The following PTPRT variants were observed in gnomAD, a reference collection of about 807,000 sequenced individuals.
The protein encoded by PTPRT is protein tyrosine phosphatase receptor type T.
A neutral mutation model predicts 176.8 loss-of-function variants in PTPRT; 56 were observed. The ratio of observed to expected loss-of-function variants is 0.32; its 90% CI spans 0.26 to 0.40. The LOEUF is 0.40. Among genes scored for constraint, PTPRT ranks in the 10% least tolerant of loss-of-function variants. PTPRT has a pLI of 1.00. For missense variants in PTPRT, 1,540 were observed against 1,908.2 expected (o/e 0.81, Z 3.60); for synonymous variants, 783 against 739.0 (o/e 1.06, Z -0.96).
intron 1 of PTPRT, among the ~76,000 whole-genome samples, chr20:43,040,388 C>T (rs1331654657): frequency 1.3e-5 from 2 of 152,078 alleles, no homozygotes; most frequent in African/African-American, 4.8e-5. Context: ...ATATGGTTGC[C>T]AACAGAGCAG....
intron 7 of PTPRT, among the ~76,000 whole-genome samples, chr20:42,582,697 C>T (rs1259595971): frequency 6.6e-6 from 1 of 152,146 alleles, no homozygotes; most frequent in African/African-American, 2.4e-5. Context: ...TAGAGTCAGG[C>T]ATGCTCTGGT....
intron 7 of PTPRT, among the ~76,000 whole-genome samples, chr20:42,504,007 T>A (rs1389516573): frequency 6.6e-6 from 1 of 152,126 alleles, no homozygotes; most frequent in Non-Finnish European, 1.5e-5. Flanking sequence ...TCTGTCCCTT[T>A]ACCCTCATTT....
chr20:42,442,038 C>A (rs1267155443), intron 9 of PTPRT, among the ~76,000 whole-genome samples: 1 of 152,196 alleles, frequency 6.6e-6, no homozygotes, highest in Non-Finnish European at 1.5e-5. Context: ...AGTCATGAGC[C>A]AGTCTGGGGT....
chr20:42,140,583 C>T (rs953646501), intron 18 of PTPRT, among the ~76,000 whole-genome samples: 3 of 152,084 alleles, frequency 2.0e-5, no homozygotes, highest in Non-Finnish European at 2.9e-5. Flanking sequence ...TTGTTCAGGC[C>T]CCATCATCCC....
At chr20:42,681,150 A>T (rs1209981901) in intron 6 of PTPRT, among the ~76,000 whole-genome samples, 2 of 152,252 alleles carry the variant, frequency 1.3e-5, no homozygotes, top group Non-Finnish European at 2.9e-5. Context: ...ACATTATTTT[A>T]AAAATACATA....
rs150122141 is a variant in PTPRT, at chr20:42,485,817, G to A, written c.1154-13255C>T. ...ACCAAGCTTTTTTATGATGTCCAAAGCTTTATTCTTTGAAATGTACAAGAG... is the reference window on the plus strand; with the variant it reads ...ACCAAGCTTTTTTATGATGTCCAAAACTTTATTCTTTGAAATGTACAAGAG... On this transcript the variant is annotated intron_variant, in intron 7 of 30. Transcript: ENST00000373187. 1.3e-3 allele frequency among the ~76,000 whole-genome samples: 203 copies of A among 152,228 alleles called. 1 individual carries two copies. Among genetic ancestry groups the A allele is most frequent in the African/African-American group, 4.6e-3 (192 of 41,548 alleles).
chr20:43,123,102 C>A (rs563229597), intron 1 of PTPRT, among the ~76,000 whole-genome samples: 2 of 152,322 alleles, frequency 1.3e-5, no homozygotes, highest in South Asian at 4.1e-4. Context: ...GATCCACCCA[C>A]CTTGGCCTCC....
chr20:42,085,939 T>A lies in PTPRT; in HGVS notation c.3847-86A>T, dbSNP rs981294362. On this transcript the variant is annotated intron_variant, in intron 27 of 30. Coordinates refer to ENST00000373187, the MANE Select transcript of PTPRT (RefSeq NM_007050.6). ...CATTTATCAACAAGCTTTTCTTTTC[T>A]TTTTTTCTTTTTCTTTTTTTTTTTT... 6.1e-5 allele frequency: 86 copies of A among 1,413,874 alleles called. No homozygotes were observed. The African/African-American group carries it at 1.1e-3, about 19-fold the overall frequency. The allele number at this position is 1,413,874 out of a possible 1,614,324, so 87.6% of individuals were successfully genotyped here. A position where few individuals can be genotyped will look rare whatever the true frequency, so the allele number is the denominator to read the frequency against.
At chr20:42,190,426 C>T (rs568054597) in intron 16 of PTPRT, among the ~76,000 whole-genome samples, 1 of 152,280 alleles carries the variant, frequency 6.6e-6, no homozygotes, top group South Asian at 2.1e-4. Context: ...GTCCAGTACT[C>T]CTATGGCAAT....
At chr20:42,929,828 T>C (rs1382064900) in intron 1 of PTPRT, among the ~76,000 whole-genome samples, 2 of 152,240 alleles carry the variant, frequency 1.3e-5, no homozygotes, top group Non-Finnish European at 2.9e-5. Context: ...CAAGAACCCA[T>C]TCTTGAAACC....
intron 1 of PTPRT, among the ~76,000 whole-genome samples, chr20:42,982,195 G>A (rs540166680): frequency 2.6e-5 from 4 of 152,270 alleles, no homozygotes; most frequent in South Asian, 2.1e-4. Context: ...ATGAGTTTCT[G>A]CCTACACTTA....
At chr20:42,430,223 G>A (rs2059203909) in intron 9 of PTPRT, among the ~76,000 whole-genome samples, 1 of 152,166 alleles carries the variant, frequency 6.6e-6, no homozygotes, top group African/African-American at 2.4e-5. Flanking sequence ...TCACAGCAGG[G>A]TGAGGAAATC....
chr20:42,712,345 C>A (rs1250115621), intron 6 of PTPRT, among the ~76,000 whole-genome samples: 1 of 152,116 alleles, frequency 6.6e-6, no homozygotes, highest in East Asian at 1.9e-4. Context: ...TTAAGAGAAG[C>A]AAACATTATG....
chr20:42,388,045 T>C (rs1328634416), intron 9 of PTPRT, among the ~76,000 whole-genome samples: 1 of 152,126 alleles, frequency 6.6e-6, no homozygotes, highest in Non-Finnish European at 1.5e-5. Context: ...CACCTTGGCC[T>C]CCCAAAGTGC....
the PTPRT span, among the ~76,000 whole-genome samples, chr20:42,032,024 C>T: frequency 2.0e-5 from 3 of 152,086 alleles, no homozygotes; most frequent in Non-Finnish European, 2.9e-5. Context: ...TGTCACACAT[C>T]TAGTAAATGG....
At chr20:42,271,097 C>T (rs182429562) in intron 13 of PTPRT, among the ~76,000 whole-genome samples, 5 of 152,248 alleles carry the variant, frequency 3.3e-5, no homozygotes, top group Admixed American at 2.6e-4. Context: ...AGTGCTGCCT[C>T]GTTGTCCCCA....
At chr20:42,100,884 A>C (rs762042807) in intron 26 of PTPRT, among the ~76,000 whole-genome samples, 17 of 152,188 alleles carry the variant, frequency 1.1e-4, no homozygotes, top group Non-Finnish European at 1.2e-4. Context: ...TTTACAGAGG[A>C]TATGGGCACT....
intron 1 of PTPRT, among the ~76,000 whole-genome samples, chr20:43,037,658 T>G (rs1280447098): frequency 6.6e-6 from 1 of 152,186 alleles, no homozygotes; most frequent in South Asian, 2.1e-4. Context: ...TGTTTTTTTT[T>G]GTTTGTTTTT....
chr20:42,410,128 T>C (rs1010771700), intron 9 of PTPRT, among the ~76,000 whole-genome samples: 10 of 151,986 alleles, frequency 6.6e-5, no homozygotes, highest in African/African-American at 2.4e-4. Context: ...TCATTACATA[T>C]AGGAAGGGTG....
Sources: allele counts gnomAD v4.1 joint callset (sites outside exome capture counted in the v4.1 genomes callset), GRCh38; gene constraint gnomAD v4.1.1; transcripts MANE v1.5; gene names NCBI Gene and HGNC (gene_info 2026-07-23, HGNC 2026-07-21).